The following CFAP97D2 variants were observed in gnomAD, a reference collection of about 807,000 sequenced individuals.
CFAP97D2 encodes uncharacterized protein CFAP97D2.
chr13:114,196,547 A>G, intron 2 of CFAP97D2, 71 bp downstream of exon 2: 1 of 398,374 alleles, frequency 2.5e-6, no homozygotes, highest in Non-Finnish European at 4.4e-6. Flanking sequence ...GCCCAGGAAA[A>G]TAGAAAAGGC....
intron 1 of CFAP97D2, among the ~76,000 whole-genome samples, chr13:114,188,271 C>CAAAA (rs35727895): frequency 3.5e-5 from 3 of 84,588 alleles, no homozygotes; most frequent in African/African-American, 1.2e-4. Context: ...GACCCTGTCT[C>CAAAA]AAAAAAAAAA....
intron 4 of CFAP97D2, chr13:114,215,965 A>C (rs535135710): frequency 6.6e-6 from 1 of 152,264 alleles, no homozygotes; most frequent in East Asian, 1.9e-4. Flanking sequence ...TCAAAGTCAA[A>C]CCTGCAGGAA....
intron 1 of CFAP97D2, among the ~76,000 whole-genome samples, chr13:114,180,615 T>C (rs1490433013): frequency 6.6e-6 from 1 of 152,252 alleles, no homozygotes; most frequent in Non-Finnish European, 1.5e-5. Flanking sequence ...CACTCAGTGC[T>C]GACCACGTCC....
At position 114,192,502 on chromosome 13, in the gene CFAP97D2, A is replaced by C. The variant is rs142507009; in HGVS notation, c.91-3894A>C. 3.4e-3 allele frequency among the ~76,000 whole-genome samples: 514 copies of C among 152,358 alleles called. 3 individuals are homozygous for C. Among genetic ancestry groups the C allele is most frequent in the African/African-American group, 0.012 (487 of 41,582 alleles). On this transcript the variant is annotated intron_variant, in intron 1 of 4. Transcript: ENST00000646158. Reference sequence around the variant, plus strand: ...AGAAAGTCCAAACAGACCAGTTATCAGACAGTTATCTATAGTTTCATAAGA... The same window carrying C: ...AGAAAGTCCAAACAGACCAGTTATCCGACAGTTATCTATAGTTTCATAAGA...
rs2080856380 is a variant in CFAP97D2, at chr13:114,187,600, A to T, written c.90+8180A>T. Among the ~76,000 whole-genome samples the T allele has an allele frequency of 6.6e-6, 1 of 152,318 alleles. No individual in the cohort carries two copies. The highest frequency in any genetic ancestry group is 1.5e-5 in the Non-Finnish European group (1 of 68,030). Reference sequence around the variant, plus strand: ...GCAAGCACCTAACAATAGAATATCAAACTACTTGAGATACTACAAGAAAAA... The same window carrying T: ...GCAAGCACCTAACAATAGAATATCATACTACTTGAGATACTACAAGAAAAA... On this transcript the variant is annotated intron_variant, in intron 1 of 4. Coordinates refer to ENST00000646158, the Ensembl canonical transcript of CFAP97D2. This position sits in a 1 kb window ranked among gnomAD's most constrained non-coding sequence, Gnocchi z 4.2.
In CFAP97D2 at chr13:114,185,899, G is replaced by T; in HGVS notation, c.90+6479G>T. 6.6e-6 allele frequency among the ~76,000 whole-genome samples: 1 copy of T among 152,248 alleles called. No individual in the cohort carries two copies. The highest frequency in any genetic ancestry group is 1.5e-5 in the Non-Finnish European group (1 of 68,044). ...GCAACAGGAGGCAGACGGACTCCTG[G>T]GCAGAAGGGGTCAGGTTCCTGGTGA... On this transcript the variant is annotated intron_variant, in intron 1 of 4. Coordinates refer to ENST00000646158, the Ensembl canonical transcript of CFAP97D2. This position sits in a 1 kb window ranked among gnomAD's most constrained non-coding sequence, Gnocchi z 5.2.
chr13:114,217,965 C>G (rs1013252076), intron 4 of CFAP97D2, among the ~76,000 whole-genome samples: 8 of 152,160 alleles, frequency 5.3e-5, no homozygotes, highest in African/African-American at 1.9e-4. Flanking sequence ...AAAACTGGCA[C>G]AAGACAGGGA....
rs112499500 is a variant in CFAP97D2, at chr13:114,205,584, T to G, written c.290+5141T>G. Among the ~76,000 whole-genome samples, 670 of 152,306 alleles carry G rather than the reference T, an allele frequency of 4.4e-3. 6 individuals carry two copies. The highest frequency in any genetic ancestry group is 0.016 in the African/African-American group (645 of 41,556). On this transcript the variant is annotated intron_variant, in intron 3 of 4. Coordinates refer to ENST00000646158, the Ensembl canonical transcript of CFAP97D2. ...AGGGTTGAACTTCTCTAAATTCTGTTGCAAGTGAAACAGCATTTAGAACAG... is the reference window on the plus strand; with the variant it reads ...AGGGTTGAACTTCTCTAAATTCTGTGGCAAGTGAAACAGCATTTAGAACAG...
Position 114,203,560 on chromosome 13 carries a change from G to A in CFAP97D2, c.290+3117G>A, listed in dbSNP as rs1233236824. The stretch of plus-strand genomic sequence containing the variant: ...CATGACCAGGAAAATCTAGGCACAC[G>A]AACACATTGAAGGGTGAGTAGAGCA... On this transcript the variant is annotated intron_variant, in intron 3 of 4. Transcript: ENST00000646158. This position sits in a 1 kb window ranked among gnomAD's most constrained non-coding sequence, Gnocchi z 4.3. Among the ~76,000 whole-genome samples, 4 of 152,162 alleles carry A rather than the reference G, an allele frequency of 2.6e-5. No individual in the cohort carries two copies. Among genetic ancestry groups the A allele is most frequent in the East Asian group, 1.9e-4 (1 of 5,194 alleles).
At chr13:114,183,099 C>T (rs7330717) in intron 1 of CFAP97D2, among the ~76,000 whole-genome samples, 54,258 of 151,882 alleles carry the variant, frequency 0.36, 9,789 homozygotes, top group African/African-American at 0.39. Context: ...AGCTTTAGGA[C>T]GTATCAGTTA....
Position 114,203,105 on chromosome 13 carries a change from G to C in CFAP97D2, c.290+2662G>C, listed in dbSNP as rs189931878. ...ACTGGACATGAAAATAAAAGACATC[G>C]AAATTGGGAAGGAAGAAGCAAACTA... On this transcript the variant is annotated intron_variant, in intron 3 of 4. Transcript: ENST00000646158. The surrounding 1 kb of genome is among the most constrained non-coding windows in gnomAD (Gnocchi z 4.3). Among the ~76,000 whole-genome samples the C allele has an allele frequency of 5.0e-3, 758 of 152,252 alleles. 2 individuals are homozygous for C. The highest frequency in any genetic ancestry group is 0.024 in the Middle Eastern group (7 of 294).
intron 1 of CFAP97D2, among the ~76,000 whole-genome samples, chr13:114,188,378 G>A (rs1186291752): frequency 6.6e-6 from 1 of 152,030 alleles, no homozygotes; most frequent in Non-Finnish European, 1.5e-5. Context: ...ATAATTTGTG[G>A]GATGCAGTGA....
At chr13:114,202,617 C>T (rs1479962022) in intron 3 of CFAP97D2, among the ~76,000 whole-genome samples, 1 of 152,244 alleles carries the variant, frequency 6.6e-6, no homozygotes, top group East Asian at 1.9e-4. Flanking sequence ...CCCCACAGCT[C>T]CTAGTCGAAG....
At chr13:114,182,679 C>T (rs1279724370) in intron 1 of CFAP97D2, among the ~76,000 whole-genome samples, 2 of 152,216 alleles carry the variant, frequency 1.3e-5, no homozygotes, top group Non-Finnish European at 2.9e-5. Flanking sequence ...AAGTATACTG[C>T]TTGTAAACGT....
intron 1 of CFAP97D2, among the ~76,000 whole-genome samples, chr13:114,190,286 A>C (rs1273416138): frequency 6.6e-6 from 1 of 152,230 alleles, no homozygotes; most frequent in Non-Finnish European, 1.5e-5. Context: ...CATTGTACTG[A>C]AAATGTTAGA....
chr13:114,182,170 A>C (rs906844290), intron 1 of CFAP97D2, among the ~76,000 whole-genome samples: 2 of 129,026 alleles, frequency 1.6e-5, no homozygotes, highest in East Asian at 2.4e-4. Context: ...GTCAGCAAAA[A>C]ACGTGAGCAA....
intron 1 of CFAP97D2, among the ~76,000 whole-genome samples, chr13:114,182,208 G>C (rs981297186): frequency 1.4e-5 from 2 of 143,674 alleles, no homozygotes; most frequent in African/African-American, 2.6e-5. Flanking sequence ...TTAAGTTCAA[G>C]GGAAGGTACT....
intron 1 of CFAP97D2, among the ~76,000 whole-genome samples, chr13:114,194,132 C>T (rs1347794962): frequency 6.6e-6 from 1 of 152,126 alleles, no homozygotes; most frequent in African/African-American, 2.4e-5. Flanking sequence ...AGAAGTATTC[C>T]AGCAAACAAA....
intron 2 of CFAP97D2, 43 bp downstream of exon 2, chr13:114,196,519 GA>G: frequency 2.5e-6 from 1 of 398,814 alleles, no homozygotes; most frequent in East Asian, 3.6e-5. Flanking sequence ...TAGCTAACTA[GA>G]AAATGCCAGC....
Sources: allele counts gnomAD v4.1 joint callset (sites outside exome capture counted in the v4.1 genomes callset), GRCh38; gene constraint gnomAD v4.1.1; non-coding constraint Gnocchi (gnomAD v3.1); transcripts MANE v1.5; gene names NCBI Gene and HGNC (gene_info 2026-07-23, HGNC 2026-07-21).